PCDHGA9: variants seen among roughly 807,000 people sequenced by gnomAD.
PCDHGA9 encodes the protein protocadherin gamma subfamily A, 9, also known as protocadherin gamma-A9.
Under a neutral mutation model 62.5 loss-of-function variants are expected in PCDHGA9, and 37 were observed. The observed-to-expected ratio is 0.59, with a 90% CI of 0.46 to 0.78. PCDHGA9 has a LOEUF of 0.78. Ranked by LOEUF, PCDHGA9 falls within the 30% of genes least tolerant of loss-of-function variation. The pLI is 0.00. For synonymous variants in PCDHGA9, 459 were observed against 484.6 expected (o/e 0.95, Z 0.69); for missense variants, 1,138 against 1,166.2 (o/e 0.98, Z 0.35).
intron 1 of PCDHGA9, among the ~76,000 whole-genome samples, chr5:141,494,328 G>T (rs1595238527): frequency 6.6e-6 from 1 of 152,200 alleles, no homozygotes; most frequent in Non-Finnish European, 1.5e-5. Flanking sequence ...CACCAAAAGG[G>T]TTACCAAGAA....
At chr5:141,413,648 TC>T in intron 1 of PCDHGA9, 1 of 1,613,820 alleles carries the variant, frequency 6.2e-7, no homozygotes, top group Non-Finnish European at 8.5e-7. Context: ...CGTTTTCCTC[TC>T]CCGGAAGCTA....
chr5:141,426,523 G>A (rs1018320941), intron 1 of PCDHGA9: 14 of 342,474 alleles, frequency 4.1e-5, no homozygotes, highest in African/African-American at 3.0e-4. Flanking sequence ...CGTGAACACG[G>A]AGAATGGGAA....
At chr5:141,413,257 T>C (rs777964429) in intron 1 of PCDHGA9, 3 of 1,613,954 alleles carry the variant, frequency 1.9e-6, no homozygotes, top group African/African-American at 1.3e-5. Flanking sequence ...CGGGATTCCA[T>C]GGGAGGCTGG....
At chr5:141,436,793 C>T (rs752376420) in intron 1 of PCDHGA9, among the ~76,000 whole-genome samples, 4 of 152,178 alleles carry the variant, frequency 2.6e-5, no homozygotes, top group Non-Finnish European at 5.9e-5. Flanking sequence ...TAAAACTGTT[C>T]TAAAATTTTT....
chr5:141,431,405 G>A lies in PCDHGA9; in HGVS notation c.2424+26029G>A, dbSNP rs2097369508. Reference sequence around the variant, plus strand: ...TCACCACCTGGTCCTTACGGCCTCCGACGGGGGCGACCCGGTGCGCACAGG... The same window carrying A: ...TCACCACCTGGTCCTTACGGCCTCCAACGGGGGCGACCCGGTGCGCACAGG... On this transcript the variant is annotated intron_variant, in intron 1 of 3. Transcript: ENST00000573521. The surrounding 1 kb of genome is among the most constrained non-coding windows in gnomAD (Gnocchi z 4.8). 1 of 1,613,614 alleles carries A rather than the reference G, an allele frequency of 6.2e-7. No individual in the cohort carries two copies.
At chr5:141,492,954 A>G (rs2099745299) in intron 1 of PCDHGA9, among the ~76,000 whole-genome samples, 1 of 152,212 alleles carries the variant, frequency 6.6e-6, no homozygotes, top group Non-Finnish European at 1.5e-5. Context: ...TGACCAAACT[A>G]TCTGACACTC....
At chr5:141,463,338 G>A (rs1005543705) in intron 1 of PCDHGA9, among the ~76,000 whole-genome samples, 2 of 150,742 alleles carry the variant, frequency 1.3e-5, no homozygotes, top group African/African-American at 2.4e-5. Flanking sequence ...CAAAACCATG[G>A]TGTTATTCTT....
chr5:141,511,411 A>T lies in PCDHGA9; in HGVS notation c.*238A>T. On this transcript the variant is annotated 3_prime_UTR_variant, in exon 4 of 4. Transcript: ENST00000573521. ...GAACCCCCATCCAATCAACTGCTGTACCCATGGGGGTAGTGGGGTTACTGT... is the reference window on the plus strand; with the variant it reads ...GAACCCCCATCCAATCAACTGCTGTTCCCATGGGGGTAGTGGGGTTACTGT... 1.1e-6 allele frequency: 1 copy of T among 901,334 alleles called. No individual in the cohort carries two copies. Among genetic ancestry groups the T allele is most frequent in the Non-Finnish European group, 1.6e-6 (1 of 617,750 alleles). 55.8% of individuals were successfully genotyped at this position (901,334 alleles called of 1,614,324 possible).
Position 141,485,190 on chromosome 5 carries a change from G to C in PCDHGA9, c.2425-9617G>C. 6.2e-7 allele frequency: 1 copy of C among 1,613,920 alleles called. No individual in the cohort carries two copies. Among genetic ancestry groups the C allele is most frequent in the Non-Finnish European group, 8.5e-7 (1 of 1,179,788 alleles). Reference sequence around the variant, plus strand: ...GCGGCAGCAATGCTCCGCAAGGTGAGAAGCTGGACAGAAATCTGGCGGTGG... The same window carrying C: ...GCGGCAGCAATGCTCCGCAAGGTGACAAGCTGGACAGAAATCTGGCGGTGG... On this transcript the variant is annotated intron_variant, in intron 1 of 3. Coordinates refer to ENST00000573521, the MANE Select transcript of PCDHGA9 (RefSeq NM_018921.3). This position sits in a 1 kb window ranked among gnomAD's most constrained non-coding sequence, Gnocchi z 5.7.
Position 141,432,108 on chromosome 5 carries a change from C to G in PCDHGA9, c.2424+26732C>G. ...GTGGCAGACACCAACGACAACCCGC[C>G]GGTCTTCCCTCAGGCCTCCTATTCC... On this transcript the variant is annotated intron_variant, in intron 1 of 3. Coordinates refer to ENST00000573521, the MANE Select transcript of PCDHGA9 (RefSeq NM_018921.3). The surrounding 1 kb of genome is among the most constrained non-coding windows in gnomAD (Gnocchi z 6.0). 4 of 1,614,180 alleles carry G rather than the reference C, an allele frequency of 2.5e-6. No homozygotes were observed. The highest frequency in any genetic ancestry group is 3.4e-6 in the Non-Finnish European group (4 of 1,180,046).
At chr5:141,455,160 G>T (rs6875366) in intron 1 of PCDHGA9, among the ~76,000 whole-genome samples, 16,301 of 149,190 alleles carry the variant, frequency 0.11, 1,328 homozygotes, top group African/African-American at 0.23. Context: ...TAGTTTGTTG[G>T]TTTTTTTTTT....
At position 141,486,653 on chromosome 5, in the gene PCDHGA9, C is replaced by A; in HGVS notation, c.2425-8154C>A. 1 of 1,613,968 alleles carries A rather than the reference C, an allele frequency of 6.2e-7. No homozygotes were observed. Among genetic ancestry groups the A allele is most frequent in the Non-Finnish European group, 8.5e-7 (1 of 1,180,034 alleles). On this transcript the variant is annotated intron_variant, in intron 1 of 3. Coordinates refer to ENST00000573521, the MANE Select transcript of PCDHGA9 (RefSeq NM_018921.3). This position sits in a 1 kb window ranked among gnomAD's most constrained non-coding sequence, Gnocchi z 5.0. ...CTTGAATGCGCTTATCTCCTACTCA[C>A]TCCTGGAGCCCAGGAATCGAGATGT... is the stretch of plus-strand genomic sequence containing the variant.
At chr5:141,407,453 C>T (rs914537742) in intron 1 of PCDHGA9, among the ~76,000 whole-genome samples, 4 of 148,722 alleles carry the variant, frequency 2.7e-5, no homozygotes, top group Non-Finnish European at 6.0e-5. Flanking sequence ...ACACGAGGCT[C>T]ACCAGACAGA....
intron 1 of PCDHGA9, chr5:141,426,776 C>G (rs1258505646): frequency 2.2e-6 from 1 of 456,584 alleles, no homozygotes; most frequent in Admixed American, 2.3e-5. Flanking sequence ...TAGGGCCTCA[C>G]TCTCTCCAGA....
intron 1 of PCDHGA9, chr5:141,478,531 C>T (rs771145308): frequency 1.9e-6 from 3 of 1,608,190 alleles, no homozygotes; most frequent in Non-Finnish European, 2.5e-6. Flanking sequence ...GTGCAGAGAG[C>T]GCCCCTCCCG....
intron 1 of PCDHGA9, chr5:141,410,687 T>C: frequency 6.6e-7 from 1 of 1,518,632 alleles, no homozygotes; most frequent in Non-Finnish European, 8.8e-7. Flanking sequence ...TTAGGCATAC[T>C]ACTTTATTTT....
At position 141,404,022 on chromosome 5, in the gene PCDHGA9, G is replaced by C. The variant is rs2094476462; in HGVS notation, c.1070G>C (p.Arg357Thr). 6.2e-7 allele frequency: 1 copy of C among 1,613,754 alleles called. No individual in the cohort carries two copies. The highest frequency in any genetic ancestry group is 1.7e-5 in the Admixed American group (1 of 59,996). The change falls in exon 1 of 4, where the codon AGA becomes ACA. Residue 357 changes from arginine (R) to threonine (T), a missense_variant. Physicochemically the swap from Arg to Thr is moderately conservative, Grantham distance 71 (BLOSUM62 -1). Transcript: ENST00000573521. ...ATTACATCTCTGTTTAGCCCAGTGAGAGAAGACGCACCTCAGGGAACAGTA... is the reference window on the plus strand; with the variant it reads ...ATTACATCTCTGTTTAGCCCAGTGACAGAAGACGCACCTCAGGGAACAGTA... ...VTITSLFSPV[R>T]EDAPQGTVIL...
At chr5:141,450,898 C>T (rs929869116) in intron 1 of PCDHGA9, among the ~76,000 whole-genome samples, 12 of 150,412 alleles carry the variant, frequency 8.0e-5, no homozygotes, top group African/African-American at 2.9e-4. Context: ...GATATCGGCT[C>T]ACTGCAACCG....
intron 2 of PCDHGA9, among the ~76,000 whole-genome samples, chr5:141,503,222 G>A (rs540244346): frequency 2.2e-4 from 34 of 152,120 alleles, no homozygotes; most frequent in African/African-American, 7.7e-4. Context: ...CATGAGCACC[G>A]TAAAGATGGA....
Sources: gnomAD v4.1 joint callset for allele counts (sites outside exome capture counted in the v4.1 genomes callset) on GRCh38, gnomAD v4.1.1 for gene constraint, Gnocchi (gnomAD v3.1) non-coding constraint, MANE v1.5 for transcripts, NCBI Gene and HGNC (gene_info 2026-07-23, HGNC 2026-07-21) for gene names.